Variants in GMDS observed in about 807,000 individuals in gnomAD.
The protein encoded by GMDS is GDP-mannose 4,6-dehydratase, also known as GDP-mannose 4,6 dehydratase.
A neutral mutation model predicts 49.9 loss-of-function variants in GMDS; 20 were observed. The observed-to-expected ratio is 0.40, with a 90% CI of 0.28 to 0.58. The LOEUF is 0.58. Among genes scored for constraint, GMDS ranks in the 20% least tolerant of loss-of-function variants. The pLI, the probability that GMDS is intolerant of heterozygous loss-of-function variation, is 0.42. For synonymous variants in GMDS, 177 were observed against 178.6 expected, an observed-to-expected ratio of 0.99 and a Z score of 0.07; for missense variants, 362 against 481.4, an observed-to-expected ratio of 0.75 and a Z score of 2.32.
At chr6:1,668,240 G>A (rs1482572754) in intron 9 of GMDS, among the ~76,000 whole-genome samples, 2 of 152,142 alleles carry the variant, frequency 1.3e-5, no homozygotes, top group African/African-American at 4.8e-5. Flanking sequence ...TTCCAAATAA[G>A]TAGGATACTG....
At chr6:2,032,957 T>C (rs2127418647) in intron 4 of GMDS, among the ~76,000 whole-genome samples, 1 of 152,318 alleles carries the variant, frequency 6.6e-6, no homozygotes, top group South Asian at 2.1e-4. Context: ...AAATTTCATT[T>C]TTAAAAATTC....
intron 4 of GMDS, among the ~76,000 whole-genome samples, chr6:2,067,930 C>T (rs981382087): frequency 4.5e-4 from 69 of 151,730 alleles, no homozygotes; most frequent in African/African-American, 1.5e-3. Context: ...CCAGCATCAT[C>T]CTGATACCAA....
At position 1,840,541 on chromosome 6, in the gene GMDS, C is replaced by T. The variant is rs114741202; in HGVS notation, c.771+89562G>A. Among the ~76,000 whole-genome samples the T allele has an allele frequency of 4.6e-3, 708 of 152,318 alleles. 4 individuals are homozygous for T. Among genetic ancestry groups the T allele is most frequent in the African/African-American group, 0.016 (668 of 41,570 alleles). ...GTATTGCTGATATCCAGCCCCCACACTATACCCCAGCAGAGAGGAAAGAGG... is the reference window on the plus strand; with the variant it reads ...GTATTGCTGATATCCAGCCCCCACATTATACCCCAGCAGAGAGGAAAGAGG... On this transcript the variant is annotated intron_variant, in intron 7 of 10. Transcript: ENST00000380815.
At chr6:1,700,583 T>C (rs916953695) in intron 9 of GMDS, among the ~76,000 whole-genome samples, 1 of 152,236 alleles carries the variant, frequency 6.6e-6, no homozygotes, top group Non-Finnish European at 1.5e-5. Flanking sequence ...TTTTAAATTC[T>C]AGTGGGCACA....
intron 7 of GMDS, among the ~76,000 whole-genome samples, chr6:1,914,092 T>C (rs1581351468): frequency 6.7e-6 from 1 of 149,598 alleles, no homozygotes; most frequent in South Asian, 2.1e-4. Flanking sequence ...TTGTGTTACA[T>C]AGAACGTGTG....
chr6:1,888,199 G>A (rs543465170), intron 7 of GMDS, among the ~76,000 whole-genome samples: 8 of 149,228 alleles, frequency 5.4e-5, no homozygotes, highest in Non-Finnish European at 1.2e-4. Context: ...TCAAACTCCT[G>A]GGCTCAAGCT....
At position 1,635,955 on chromosome 6, in the gene GMDS, G is replaced by A. The variant is rs1763132593; in HGVS notation, c.988-11415C>T. The stretch of plus-strand genomic sequence containing the variant: ...TTGGTTAGAGCCCTTTCCTCACAAG[G>A]CACTTTTCCTACGTCGCATTTCCAG... On this transcript the variant is annotated intron_variant, in intron 9 of 10. Coordinates refer to ENST00000380815, the MANE Select transcript of GMDS (RefSeq NM_001500.4). This position sits in a 1 kb window ranked among gnomAD's most constrained non-coding sequence, Gnocchi z 4.7. 6.6e-6 allele frequency among the ~76,000 whole-genome samples: 1 copy of A among 152,148 alleles called. No individual in the cohort carries two copies. Among genetic ancestry groups the A allele is most frequent in the Non-Finnish European group, 1.5e-5 (1 of 68,032 alleles).
At chr6:2,071,318 T>A (rs1174237702) in intron 4 of GMDS, among the ~76,000 whole-genome samples, 1 of 152,190 alleles carries the variant, frequency 6.6e-6, no homozygotes, top group East Asian at 1.9e-4. Flanking sequence ...CTACTTCTTA[T>A]CCTGATGAAT....
At chr6:1,886,898 ACT>A (rs1351081734) in intron 7 of GMDS, among the ~76,000 whole-genome samples, 2 of 152,188 alleles carry the variant, frequency 1.3e-5, no homozygotes, top group East Asian at 1.9e-4. Context: ...TAGCATTTTT[ACT>A]CTGAGTAGTA....
chr6:1,992,952 G>A (rs1191761322), intron 4 of GMDS, among the ~76,000 whole-genome samples: 1 of 152,196 alleles, frequency 6.6e-6, no homozygotes, highest in East Asian at 1.9e-4. Flanking sequence ...AAAAAGCACA[G>A]TGACATTTCA....
chr6:2,224,750 T>C (rs897156305), intron 1 of GMDS, among the ~76,000 whole-genome samples: 3 of 152,242 alleles, frequency 2.0e-5, no homozygotes, highest in African/African-American at 4.8e-5. Context: ...ATCAAAATTA[T>C]AGCGTGTCTT....
intron 1 of GMDS, among the ~76,000 whole-genome samples, chr6:2,167,761 T>C (rs1054480734): frequency 6.6e-6 from 1 of 152,048 alleles, no homozygotes; most frequent in African/African-American, 2.4e-5. Context: ...CTGGCTGCTC[T>C]TACCTCCTTG....
chr6:1,769,596 C>T (rs1361412952), intron 7 of GMDS, among the ~76,000 whole-genome samples: 1 of 152,242 alleles, frequency 6.6e-6, no homozygotes, highest in African/African-American at 2.4e-5. Flanking sequence ...AAGACTGAAG[C>T]CCAAGCTTCG....
intron 4 of GMDS, among the ~76,000 whole-genome samples, chr6:2,086,679 T>G (rs562584733): frequency 1.3e-5 from 2 of 152,370 alleles, no homozygotes; most frequent in South Asian, 4.1e-4. Context: ...CTTCTGCCTG[T>G]GCACATCAGT....
At chr6:2,142,463 G>A (rs905185037) in intron 1 of GMDS, among the ~76,000 whole-genome samples, 2 of 152,152 alleles carry the variant, frequency 1.3e-5, no homozygotes, top group Non-Finnish European at 2.9e-5. Context: ...GCAACACCCA[G>A]CAAGAATGTC....
intron 1 of GMDS, among the ~76,000 whole-genome samples, chr6:2,223,897 T>C (rs190994653): frequency 1.6e-4 from 24 of 152,144 alleles, no homozygotes; most frequent in Middle Eastern, 3.4e-3. Context: ...GTTGTAGACA[T>C]AGAAAGTGAA....
At chr6:1,900,531 A>G (rs549730626) in intron 7 of GMDS, among the ~76,000 whole-genome samples, 5 of 152,366 alleles carry the variant, frequency 3.3e-5, no homozygotes, top group Middle Eastern at 3.4e-3. Context: ...AGTTTTTAAG[A>G]TAACTTCTAC....
At chr6:1,805,340 T>G (rs933868753) in intron 7 of GMDS, among the ~76,000 whole-genome samples, 3 of 152,206 alleles carry the variant, frequency 2.0e-5, no homozygotes, top group Admixed American at 6.5e-5. Flanking sequence ...AAGTGTATTT[T>G]GATGTATTGA....
chr6:2,211,454 C>G (rs1780056897), intron 1 of GMDS, among the ~76,000 whole-genome samples: 2 of 152,080 alleles, frequency 1.3e-5, no homozygotes, highest in South Asian at 4.1e-4. Context: ...TTACTTTCTC[C>G]TACAATTCTC....
Sources: allele counts gnomAD v4.1 joint callset (sites outside exome capture counted in the v4.1 genomes callset), GRCh38; gene constraint gnomAD v4.1.1; non-coding constraint Gnocchi (gnomAD v3.1); transcripts MANE v1.5; gene names NCBI Gene and HGNC (gene_info 2026-07-23, HGNC 2026-07-21).